Variants in PACS1 observed in about 807,000 individuals in gnomAD.
PACS1 encodes PACS-1.
A neutral mutation model predicts 115.0 loss-of-function variants in PACS1; 24 were observed. That is an observed-to-expected ratio of 0.21 (90% CI 0.15 to 0.29). The LOEUF is 0.29. PACS1 is among the 10% of genes least tolerant of loss of function. The pLI, the probability that PACS1 is intolerant of heterozygous loss-of-function variation, is 1.00. For synonymous variants in PACS1, 453 were observed against 504.5 expected (o/e 0.90, Z 1.37); for missense variants, 838 against 1,251.2 (o/e 0.67, Z 4.98).
intron 1 of PACS1, among the ~76,000 whole-genome samples, chr11:66,186,958 C>G (rs1299527418): frequency 6.6e-6 from 1 of 152,206 alleles, no homozygotes; most frequent in African/African-American, 2.4e-5. Context: ...GTTGGTCTTA[C>G]CTGTTCTTGA....
chr11:66,070,624 G>GC lies in PACS1; in HGVS notation c.144dup (p.Lys49GlnfsTer71), dbSNP rs1376040928. The GC allele has an allele frequency of 1.3e-6, 2 of 1,543,020 alleles. No individual in the cohort carries two copies. Among genetic ancestry groups the GC allele is most frequent in the Non-Finnish European group, 1.7e-6 (2 of 1,153,142 alleles). On this transcript the variant is annotated frameshift_variant, in exon 1 of 24. Transcript: ENST00000320580. LOFTEE classifies it high-confidence loss of function. This position sits in a 1 kb window ranked among gnomAD's most constrained non-coding sequence, Gnocchi z 5.9. ...AGCAGCAGCCGCCGCAGCAGCCGAC[G>GC]CCCCCCAAGCTGGCCCAGGCCACCT...
intron 1 of PACS1, among the ~76,000 whole-genome samples, chr11:66,112,074 G>A (rs1011592033): frequency 3.9e-5 from 6 of 152,078 alleles, no homozygotes; most frequent in East Asian, 3.8e-4. Context: ...CCTGCATCAC[G>A]CAGTAGCCAC....
chr11:66,073,195 G>C (rs1857341207), intron 1 of PACS1, among the ~76,000 whole-genome samples: 1 of 152,210 alleles, frequency 6.6e-6, no homozygotes, highest in South Asian at 2.1e-4. Flanking sequence ...TTGCAGGCCA[G>C]AATAACACTC....
intron 1 of PACS1, among the ~76,000 whole-genome samples, chr11:66,088,169 T>C (rs1255595331): frequency 6.7e-6 from 1 of 148,636 alleles, no homozygotes; most frequent in Non-Finnish European, 1.5e-5. Flanking sequence ...ACTCTTTATA[T>C]TTATTTATTT....
intron 10 of PACS1, among the ~76,000 whole-genome samples, chr11:66,224,013 C>T (rs3017606): frequency 0.014 from 2,110 of 152,174 alleles, 40 homozygotes; most frequent in African/African-American, 0.047. Flanking sequence ...GCCTGGCCAA[C>T]ATGGCAAAAC....
Position 66,131,101 on chromosome 11 carries a change from TAAG to T in PACS1, c.356+60264_356+60266del, listed in dbSNP as rs201334868. Among the ~76,000 whole-genome samples the T allele has an allele frequency of 2.2e-4, 34 of 152,232 alleles. No individual in the cohort carries two copies. In the East Asian group the frequency reaches 6.2e-3, roughly 28 times the overall value. On this transcript the variant is annotated intron_variant, in intron 1 of 23. Coordinates refer to ENST00000320580, the MANE Select transcript of PACS1 (RefSeq NM_018026.4). ...AAAAAGATAAAACTAAATAAATTAATAAGAAGATCCTCATATATGTCTTCTTAC... is the reference window on the plus strand; with the variant it reads ...AAAAAGATAAAACTAAATAAATTAATAAGATCCTCATATATGTCTTCTTAC...
chr11:66,215,951 AAAC>A (rs1237402535), intron 4 of PACS1, among the ~76,000 whole-genome samples, 165 bp from the exon 5 acceptor site: 1 of 138,490 alleles, frequency 7.2e-6, no homozygotes, highest in African/African-American at 3.0e-5. Flanking sequence ...TAATAATAAT[AAAC>A]AAAGTAAGAC....
rs545757012 is a variant in PACS1 at position 66,086,100 on chromosome 11, T to G, written c.356+15258T>G. 5.5e-4 allele frequency among the ~76,000 whole-genome samples: 84 copies of G among 151,914 alleles called. 1 individual carries two copies. Among genetic ancestry groups the G allele is most frequent in the Non-Finnish European group, 9.4e-4 (64 of 67,948 alleles). ...GTGGTTACATTCCTGGAAAATTTAG[T>G]GTATATTTAGTGGTGAAAAAATGCT... On this transcript the variant is annotated intron_variant, in intron 1 of 23. Coordinates refer to ENST00000320580, the MANE Select transcript of PACS1 (RefSeq NM_018026.4).
intron 1 of PACS1, among the ~76,000 whole-genome samples, chr11:66,089,034 A>C (rs1028663340): frequency 2.0e-5 from 3 of 151,478 alleles, no homozygotes; most frequent in Admixed American, 6.6e-5. Flanking sequence ...CTTATAGAGG[A>C]CTCTTTTTTA....
chr11:66,080,691 A>G (rs1398441342), intron 1 of PACS1, among the ~76,000 whole-genome samples: 1 of 152,138 alleles, frequency 6.6e-6, no homozygotes, highest in Non-Finnish European at 1.5e-5. Context: ...CTGTGTTTAA[A>G]CTTGGTCCCC....
intron 1 of PACS1, among the ~76,000 whole-genome samples, chr11:66,110,906 CT>C (rs1180624113): frequency 6.6e-6 from 1 of 152,208 alleles, no homozygotes; most frequent in Non-Finnish European, 1.5e-5. Flanking sequence ...AGCTACAAAA[CT>C]TTCTTCCCTA....
intron 1 of PACS1, among the ~76,000 whole-genome samples, chr11:66,145,184 T>A (rs1048501212): frequency 6.6e-6 from 1 of 152,300 alleles, no homozygotes; most frequent in South Asian, 2.1e-4. Context: ...TGGAGAAGCA[T>A]TTATCCAAGA....
rs1268871839 is a variant in PACS1, at chr11:66,070,748, G to C, written c.262G>C (p.Gly88Arg). ...GGTGGCCTCGGGCTCCGCGCCTCCC[G>C]GTGGCCCGGGGCCAGGCCGCACCCC... ...VAVASGSAPPGGPGPGRTPAP... is the reference protein window; with the variant it reads ...VAVASGSAPPRGPGPGRTPAP... The change falls in exon 1 of 24, where the codon GGT becomes CGT. Residue 88 changes from glycine (G) to arginine (R), a missense_variant. Transcript: ENST00000320580. This position sits in a 1 kb window ranked among gnomAD's most constrained non-coding sequence, Gnocchi z 5.9. 6.4e-7 allele frequency: 1 copy of C among 1,556,056 alleles called. No homozygotes were observed. Among genetic ancestry groups the C allele is most frequent in the Non-Finnish European group, 8.6e-7 (1 of 1,159,040 alleles).
Position 66,238,824 on chromosome 11 carries a change from T to TGAA in PACS1, c.2274_2276dup (p.Glu758dup). 3.1e-6 allele frequency: 5 copies of TGAA among 1,587,944 alleles called. No individual in the cohort carries two copies. The highest frequency in any genetic ancestry group is 4.3e-6 in the Non-Finnish European group (5 of 1,165,246). On this transcript the variant is annotated inframe_insertion, in exon 20 of 24. Transcript: ENST00000320580. ...TGCAGGTGGTGAAGGTGGGTCTGGT[T>TGAA]GAAGACTCTCCCTCCACAGCAGGTG... is the stretch of plus-strand genomic sequence containing the variant.
intron 1 of PACS1, among the ~76,000 whole-genome samples, chr11:66,149,236 C>T (rs973435284): frequency 2.0e-5 from 3 of 151,702 alleles, no homozygotes; most frequent in Non-Finnish European, 2.9e-5. Context: ...GGATTACAGG[C>T]GTGCGCCACC....
intron 1 of PACS1, among the ~76,000 whole-genome samples, chr11:66,079,887 G>A (rs1382435031): frequency 1.3e-5 from 2 of 152,058 alleles, no homozygotes; most frequent in South Asian, 2.1e-4. Context: ...GGTCACCCTC[G>A]CCTTAGGGCT....
At chr11:66,126,993 G>A (rs1342548519) in intron 1 of PACS1, among the ~76,000 whole-genome samples, 3 of 152,250 alleles carry the variant, frequency 2.0e-5, no homozygotes, top group East Asian at 3.9e-4. Flanking sequence ...TGCATGCCAC[G>A]TCTTTGCAGG....
At position 66,221,337 on chromosome 11, in the gene PACS1, T is replaced by C. The variant is rs1057421541; in HGVS notation, c.1293+90T>C. On this transcript the variant is annotated intron_variant, in intron 10 of 23. Transcript: ENST00000320580. ...CCTCTGCATCTCTGATCAGGGCTCA[T>C]GTTGTGACCTTAGAAAAGTGGCCCC... is the stretch of plus-strand genomic sequence containing the variant. 8 of 1,133,878 alleles carry C rather than the reference T, an allele frequency of 7.1e-6. No homozygotes were observed. In the African/African-American group the frequency reaches 1.2e-4, roughly 17 times the overall value. The allele number at this position is 1,133,878 out of a possible 1,614,324, so 70.2% of individuals were successfully genotyped here.
At chr11:66,166,767 A>G (rs953792684) in intron 1 of PACS1, among the ~76,000 whole-genome samples, 6 of 150,320 alleles carry the variant, frequency 4.0e-5, no homozygotes, top group Admixed American at 3.9e-4. Context: ...CAGTGCAAAT[A>G]TTGTCTAGTA....
Sources: allele counts gnomAD v4.1 joint callset (sites outside exome capture counted in the v4.1 genomes callset), GRCh38; gene constraint gnomAD v4.1.1; non-coding constraint Gnocchi (gnomAD v3.1); transcripts MANE v1.5; gene names NCBI Gene and HGNC (gene_info 2026-07-23, HGNC 2026-07-21).